Variants in ARID3B observed in about 807,000 individuals in gnomAD.
The protein encoded by ARID3B is AT-rich interaction domain 3B, also known as AT-rich interactive domain-containing protein 3B.
A neutral mutation model predicts 51.9 loss-of-function variants in ARID3B; 10 were observed. The observed-to-expected ratio is 0.19, with a 90% CI of 0.12 to 0.33. ARID3B has a LOEUF of 0.33. Ranked by LOEUF, ARID3B falls within the 10% of genes least tolerant of loss-of-function variation. The pLI is 1.00. For synonymous variants in ARID3B, 205 were observed against 279.5 expected (o/e 0.73, Z 2.66); for missense variants, 483 against 716.3 (o/e 0.67, Z 3.72).
At chr15:74,561,881 T>G (rs544671858) in intron 2 of ARID3B, among the ~76,000 whole-genome samples, 1 of 152,244 alleles carries the variant, frequency 6.6e-6, no homozygotes, top group East Asian at 1.9e-4. Flanking sequence ...CCTCTTCCAT[T>G]GTAGTATTCA....
rs190404425 is a variant in ARID3B, at chr15:74,591,651, C to T, written c.1257C>T (p.Ala419=). The T allele has an allele frequency of 1.2e-5, 20 of 1,605,872 alleles. No individual in the cohort carries two copies. The African/African-American group carries it at 1.5e-4, about 12-fold the overall frequency. ...LASQQAGTRT[A]ALEQLRERLE... is the part of the protein sequence containing the mutation. ...GCCAGCAGGCTGGTACTCGGACCGC[C>T]GCACTGGAGCAGCTGCGGGAGCGGC... The change falls in exon 7 of 9, where the codon GCC becomes GCT. Residue 419 remains alanine, a synonymous_variant. Coordinates refer to ENST00000346246, the MANE Select transcript of ARID3B (RefSeq NM_006465.4). This position sits in a 1 kb window ranked among gnomAD's most constrained non-coding sequence, Gnocchi z 5.8.
Position 74,572,790 on chromosome 15 carries a change from AT to A in ARID3B, c.553-70del. The A allele has an allele frequency of 4.9e-6, 7 of 1,442,830 alleles. No homozygotes were observed. The South Asian group carries it at 8.0e-5, about 17-fold the overall frequency. The allele number at this position is 1,442,830 out of a possible 1,614,324, so 89.4% of individuals were successfully genotyped here. A position where few individuals can be genotyped will look rare whatever the true frequency, so the allele number is the denominator to read the frequency against. On this transcript the variant is annotated intron_variant, in intron 2 of 8. Coordinates refer to ENST00000346246, the MANE Select transcript of ARID3B (RefSeq NM_006465.4). Reference sequence around the variant, plus strand: ...AGCATCTTCATCTTTGCCCTAAATGATTGCCTTGCCCTCTGTCCTAACTCTT... The same window carrying A: ...AGCATCTTCATCTTTGCCCTAAATGATGCCTTGCCCTCTGTCCTAACTCTT...
chr15:74,556,631 C>T (rs1423702175), intron 2 of ARID3B, among the ~76,000 whole-genome samples: 1 of 152,168 alleles, frequency 6.6e-6, no homozygotes, highest in East Asian at 1.9e-4. Flanking sequence ...TGTTTTAACC[C>T]GTCCCCAAAT....
At chr15:74,559,910 C>T (rs1025268423) in intron 2 of ARID3B, among the ~76,000 whole-genome samples, 1 of 151,414 alleles carries the variant, frequency 6.6e-6, no homozygotes, top group Non-Finnish European at 1.5e-5. Context: ...ATTTTATATA[C>T]AGGCTGGGTG....
intron 2 of ARID3B, among the ~76,000 whole-genome samples, chr15:74,547,919 AT>A (rs1037929333): frequency 2.6e-5 from 4 of 152,236 alleles, no homozygotes; most frequent in African/African-American, 9.6e-5. Flanking sequence ...TCCAGAGATT[AT>A]TCTTTGCATC....
At chr15:74,544,587 C>T (rs2061608693) in intron 2 of ARID3B, 99 bp downstream of exon 2, 8 of 1,285,992 alleles carry the variant, frequency 6.2e-6, no homozygotes, top group African/African-American at 1.5e-5. Context: ...TGTGCCTTCT[C>T]ACCCCACTTC....
At chr15:74,556,154 G>A (rs1024451323) in intron 2 of ARID3B, among the ~76,000 whole-genome samples, 1 of 152,034 alleles carries the variant, frequency 6.6e-6, no homozygotes, top group Non-Finnish European at 1.5e-5. Context: ...GATTTAAAGT[G>A]AGAGACATAC....
At chr15:74,570,401 A>G (rs2061714746) in intron 2 of ARID3B, among the ~76,000 whole-genome samples, 1 of 144,378 alleles carries the variant, frequency 6.9e-6, no homozygotes. Flanking sequence ...CTTTCCACCC[A>G]ACTGAGTGTT....
At chr15:74,559,332 G>C (rs2061670534) in intron 2 of ARID3B, among the ~76,000 whole-genome samples, 1 of 152,218 alleles carries the variant, frequency 6.6e-6, no homozygotes, top group Non-Finnish European at 1.5e-5. Context: ...ATGTTATCCA[G>C]CTTTTCTATG....
chr15:74,556,225 C>T (rs1355803613), intron 2 of ARID3B, among the ~76,000 whole-genome samples: 1 of 152,078 alleles, frequency 6.6e-6, no homozygotes, highest in Non-Finnish European at 1.5e-5. Flanking sequence ...GGCCTAATTT[C>T]AGTATGGTTG....
At chr15:74,554,623 T>C (rs1309064690) in intron 2 of ARID3B, among the ~76,000 whole-genome samples, 4 of 152,166 alleles carry the variant, frequency 2.6e-5, no homozygotes, top group African/African-American at 9.7e-5. Flanking sequence ...ATTTTGGATT[T>C]TCAATTTAAC....
chr15:74,578,095 G>C (rs543328597), intron 4 of ARID3B, among the ~76,000 whole-genome samples: 6 of 150,198 alleles, frequency 4.0e-5, no homozygotes, highest in Non-Finnish European at 8.9e-5. Flanking sequence ...GGCCTCGAGT[G>C]ATCCGCCTGC....
Position 74,544,059 on chromosome 15 carries a change from G to T in ARID3B, c.123G>T (p.Leu41Phe). The T allele has an allele frequency of 1.2e-6, 2 of 1,613,838 alleles. No individual in the cohort carries two copies. Among genetic ancestry groups the T allele is most frequent in the Non-Finnish European group, 1.7e-6 (2 of 1,179,838 alleles). ...AGCAGATGAGAGAAGCCCAGTTCTTGTATGCCCAAAAGCTGGTCACACAGC... is the reference window on the plus strand; with the variant it reads ...AGCAGATGAGAGAAGCCCAGTTCTTTTATGCCCAAAAGCTGGTCACACAGC... ...QGQQMREAQF[L>F]YAQKLVTQPT... The change falls in exon 2 of 9, where the codon TTG (leucine) becomes TTT (phenylalanine). Residue 41 changes from leucine (L) to phenylalanine (F), a missense_variant. Leu to Phe is a conservative substitution (Grantham distance 22, BLOSUM62 0). Transcript: ENST00000346246.
intron 4 of ARID3B, among the ~76,000 whole-genome samples, chr15:74,578,494 T>C (rs926466714): frequency 1.3e-5 from 2 of 151,984 alleles, no homozygotes; most frequent in Non-Finnish European, 2.9e-5. Flanking sequence ...CTTAACAGAA[T>C]GGTGAGAACA....
chr15:74,558,578 T>G (rs954692198), intron 2 of ARID3B, among the ~76,000 whole-genome samples: 2 of 152,172 alleles, frequency 1.3e-5, no homozygotes, highest in African/African-American at 4.8e-5. Context: ...AGAATAGTAA[T>G]GAACCATCTG....
rs2061831391 is a variant in ARID3B, at chr15:74,597,338, C to T, written c.*1564C>T. 37 of 417,618 alleles carry T rather than the reference C, an allele frequency of 8.9e-5. No individual in the cohort carries two copies. The highest frequency in any genetic ancestry group is 7.0e-4 in the South Asian group (30 of 43,040). The allele number at this position is 417,618 out of a possible 1,614,324, so 25.9% of individuals were successfully genotyped here. On this transcript the variant is annotated 3_prime_UTR_variant, in exon 9 of 9. Transcript: ENST00000346246. ...ATGGGGCTGTGGCAGTGGGAGACAC[C>T]GCGCGTGGCGTGGGTGTGTGTGGCA...
chr15:74,552,590 A>C (rs969459161), intron 2 of ARID3B, among the ~76,000 whole-genome samples: 4 of 151,638 alleles, frequency 2.6e-5, no homozygotes, highest in South Asian at 2.1e-4. Flanking sequence ...TCTGTGCTTC[A>C]CCTATTCATC....
At chr15:74,561,241 C>T (rs2061678687) in intron 2 of ARID3B, among the ~76,000 whole-genome samples, 1 of 152,066 alleles carries the variant, frequency 6.6e-6, no homozygotes. Flanking sequence ...ATTCTTAATA[C>T]TTTATGGTTG....
rs2061835379 is a variant in ARID3B, at chr15:74,598,018, T to C, written c.*2244T>C. ...GATAGCACATGGGTAGCCTAGGCAGTGAGTAAATACCTCAGATGTCCTCCT... is the reference window on the plus strand; with the variant it reads ...GATAGCACATGGGTAGCCTAGGCAGCGAGTAAATACCTCAGATGTCCTCCT... On this transcript the variant is annotated 3_prime_UTR_variant, in exon 9 of 9. Coordinates refer to ENST00000346246, the MANE Select transcript of ARID3B (RefSeq NM_006465.4). 1.9e-6 allele frequency: 1 copy of C among 531,280 alleles called. No homozygotes were observed. Among genetic ancestry groups the C allele is most frequent in the East Asian group, 4.0e-5 (1 of 25,078 alleles). The allele number at this position is 531,280 out of a possible 1,614,324, so 32.9% of individuals were successfully genotyped here.
Sources: gnomAD v4.1 joint callset for allele counts (sites outside exome capture counted in the v4.1 genomes callset) on GRCh38, gnomAD v4.1.1 for gene constraint, Gnocchi (gnomAD v3.1) non-coding constraint, MANE v1.5 for transcripts, NCBI Gene and HGNC (gene_info 2026-07-23, HGNC 2026-07-21) for gene names.